Variants in MMEL1 observed in about 807,000 individuals in gnomAD.
MMEL1 encodes the protein membrane metallo-endopeptidase-like 1.
In MMEL1, 98 loss-of-function variants were observed where a neutral mutation model predicts 117.1. The ratio of observed to expected loss-of-function variants is 0.84; its 90% CI spans 0.71 to 0.99. The LOEUF is 0.99. MMEL1 is among the 50% of genes least tolerant of loss of function. MMEL1 has a pLI of 0.00. For missense variants in MMEL1, 1,014 were observed against 1,049.1 expected, an observed-to-expected ratio of 0.97 and a Z score of 0.46; for synonymous variants, 390 against 415.1, an observed-to-expected ratio of 0.94 and a Z score of 0.74.
At chr1:2,630,418 G>A (rs1291688645) in intron 1 of MMEL1, among the ~76,000 whole-genome samples, 1 of 152,254 alleles carries the variant, frequency 6.6e-6, no homozygotes, top group African/African-American at 2.4e-5. Flanking sequence ...GTTCTGGTGT[G>A]TGCATGTGCA....
Position 2,612,129 on chromosome 1 carries a change from C to T in MMEL1, c.230G>A (p.Arg77Gln), listed in dbSNP as rs776455070. ...TTGGAAGGGAAGGCAAAGGCTACCT[C>T]GGGGTTTTCGTTTTACAAAGGTCCT... ...EERTFVKRKPRGIPEAQEVSE... is the reference protein window; with the variant it reads ...EERTFVKRKPQGIPEAQEVSE... The change falls in exon 3 of 24, where the codon CGA becomes CAA. Residue 77 changes from arginine (R) to glutamine (Q), a missense_variant and splice_region_variant. Transcript: ENST00000378412. The surrounding 1 kb of genome is among the most constrained non-coding windows in gnomAD (Gnocchi z 5.4). The T allele has an allele frequency of 9.5e-6, 15 of 1,576,860 alleles. No homozygotes were observed. Among genetic ancestry groups the T allele is most frequent in the Admixed American group, 1.8e-5 (1 of 54,694 alleles).
At chr1:2,624,078 C>A (rs767483416) in intron 2 of MMEL1, among the ~76,000 whole-genome samples, 3 of 152,136 alleles carry the variant, frequency 2.0e-5, no homozygotes, top group Non-Finnish European at 4.4e-5. Flanking sequence ...GCATCCCCAG[C>A]CCCAGGTATA....
chr1:2,606,027 C>G (rs1407711547), intron 8 of MMEL1, among the ~76,000 whole-genome samples: 2 of 152,314 alleles, frequency 1.3e-5, no homozygotes, highest in African/African-American at 2.4e-5. Flanking sequence ...TGACCAGAAC[C>G]GGGTTCTACT....
intron 23 of MMEL1, 149 bp downstream of exon 23, chr1:2,591,408 G>A (rs568179887): frequency 8.7e-6 from 6 of 688,204 alleles, no homozygotes; most frequent in East Asian, 5.2e-5. Flanking sequence ...GTCCCTGACC[G>A]AAATCGGCCA....
chr1:2,595,024 G>C lies in MMEL1; in HGVS notation c.1585-131C>G. On this transcript the variant is annotated intron_variant, in intron 16 of 23. Transcript: ENST00000378412. The surrounding 1 kb of genome is among the most constrained non-coding windows in gnomAD (Gnocchi z 4.8). ...TCCGCACGTGGACAGTCGGCTGTGG[G>C]TGCAGGTGAACGGGGCAGCCCTGGC... The C allele has an allele frequency of 1.3e-6, 1 of 778,200 alleles. No individual in the cohort carries two copies. The highest frequency in any genetic ancestry group is 2.1e-6 in the Non-Finnish European group (1 of 470,342). 48.2% of individuals were successfully genotyped at this position (778,200 alleles called of 1,614,324 possible).
In MMEL1 at chr1:2,607,196, C is replaced by T. The variant is rs573322251; in HGVS notation, c.536-127G>A. 23 of 741,324 alleles carry T rather than the reference C, an allele frequency of 3.1e-5. 1 individual carries two copies. The highest frequency in any genetic ancestry group is 1.3e-4 in the East Asian group (5 of 37,056). 45.9% of individuals were successfully genotyped at this position (741,324 alleles called of 1,614,324 possible). On this transcript the variant is annotated intron_variant, in intron 6 of 23. Transcript: ENST00000378412. ...AGCCCCTGCAGTGCTCCGCGAGAGG[C>T]GGCCTCCCAGCCTCTGGGCCTTTAC...
At position 2,593,914 on chromosome 1, in the gene MMEL1, G is replaced by C. The variant is rs763386645; in HGVS notation, c.1767C>G (p.Leu589=). 1 of 1,610,158 alleles carries C rather than the reference G, an allele frequency of 6.2e-7. No homozygotes were observed. The highest frequency in any genetic ancestry group is 8.5e-7 in the Non-Finnish European group (1 of 1,178,144). Residue 589 remains leucine, a synonymous_variant, in exon 19 of 24, where the codon CTC becomes CTG. Transcript: ENST00000378412. ...GCTCCTTGCTGAAGAAGGGGGGCTG[G>C]AGGATCCCGGCAGGGAATACTGTCC... ...RNQIVFPAGI[L]QPPFFSKEQP...
In MMEL1 at chr1:2,606,970, T is replaced by G. The variant is rs1645039084; in HGVS notation, c.631+4A>C. On this transcript the variant is annotated splice_donor_region_variant and intron_variant, in intron 7 of 23. Transcript: ENST00000378412. ...TGTGAGGCTGCTGCCAGGCCCGGCC[T>G]TACCTACGGTCTCGTTCCACCTGTC... The G allele has an allele frequency of 6.2e-7, 1 of 1,611,578 alleles. No individual in the cohort carries two copies. Among genetic ancestry groups the G allele is most frequent in the Non-Finnish European group, 8.5e-7 (1 of 1,179,574 alleles).
At chr1:2,631,802 A>T (rs1285914132) in intron 1 of MMEL1, among the ~76,000 whole-genome samples, 1 of 152,086 alleles carries the variant, frequency 6.6e-6, no homozygotes, top group Non-Finnish European at 1.5e-5. Flanking sequence ...GCCAGTCCTC[A>T]GCCTCCAAGC....
At chr1:2,607,235 C>T (rs1038875509) in intron 6 of MMEL1, among the ~76,000 whole-genome samples, 166 bp from the exon 7 acceptor site, 19 of 152,234 alleles carry the variant, frequency 1.2e-4, no homozygotes, top group African/African-American at 3.6e-4. Context: ...TGCACCCTCC[C>T]GTCACAGGTC....
At chr1:2,624,540 T>C (rs1312928325) in intron 2 of MMEL1, among the ~76,000 whole-genome samples, 1 of 152,220 alleles carries the variant, frequency 6.6e-6, no homozygotes, top group Non-Finnish European at 1.5e-5. Flanking sequence ...TATGTAAAAA[T>C]TTAAACACTA....
intron 2 of MMEL1, among the ~76,000 whole-genome samples, chr1:2,627,756 G>A (rs1398160443): frequency 6.6e-6 from 1 of 152,214 alleles, no homozygotes; most frequent in African/African-American, 2.4e-5. Flanking sequence ...GATAATAACT[G>A]CTTAGAAAAC....
chr1:2,600,470 G>C (rs797021624), intron 11 of MMEL1, among the ~76,000 whole-genome samples: 2 of 152,050 alleles, frequency 1.3e-5, no homozygotes, highest in Admixed American at 6.5e-5. Flanking sequence ...AGGCCAGGGC[G>C]GGAGGACTGC....
At chr1:2,608,134 G>C (rs1645059188) in intron 6 of MMEL1, among the ~76,000 whole-genome samples, 1 of 152,120 alleles carries the variant, frequency 6.6e-6, no homozygotes, top group South Asian at 2.1e-4. Context: ...GTTTCCATGG[G>C]GAGGAGACAA....
At chr1:2,609,867 A>G (rs774050063) in intron 4 of MMEL1, 36 bp from the exon 5 acceptor site, 19 of 1,575,960 alleles carry the variant, frequency 1.2e-5, no homozygotes, top group Non-Finnish European at 1.6e-5. Flanking sequence ...GGGAGAGGGG[A>G]GACAGAGAGA....
At chr1:2,632,369 G>GTGAA (rs1014942533) in intron 1 of MMEL1, among the ~76,000 whole-genome samples, 8 of 152,194 alleles carry the variant, frequency 5.3e-5, no homozygotes, top group Admixed American at 6.5e-5. Flanking sequence ...TATCTGTTGG[G>GTGAA]TGAATGAATG....
At chr1:2,629,546 G>T in intron 1 of MMEL1, 25 bp from the exon 2 acceptor site, 3 of 1,395,692 alleles carry the variant, frequency 2.1e-6, no homozygotes, top group East Asian at 3.0e-5. Flanking sequence ...CAGGGGAGAG[G>T]GGAGAGGGGC....
intron 2 of MMEL1, among the ~76,000 whole-genome samples, chr1:2,626,865 A>G (rs1638304550): frequency 6.6e-6 from 1 of 152,258 alleles, no homozygotes; most frequent in African/African-American, 2.4e-5. Context: ...AAGAGAAAAA[A>G]ACGAATGAGA....
At chr1:2,609,246 G>A in intron 6 of MMEL1, 93 bp downstream of exon 6, 3 of 1,255,274 alleles carry the variant, frequency 2.4e-6, no homozygotes, top group Non-Finnish European at 3.4e-6. Flanking sequence ...TACCCTAGGG[G>A]CAGCCATGGG....
Sources: gnomAD v4.1 joint callset for allele counts (sites outside exome capture counted in the v4.1 genomes callset) on GRCh38, gnomAD v4.1.1 for gene constraint, Gnocchi (gnomAD v3.1) non-coding constraint, MANE v1.5 for transcripts, NCBI Gene and HGNC (gene_info 2026-07-23, HGNC 2026-07-21) for gene names.